Variants in CXCL12 observed in about 807,000 individuals in gnomAD.
CXCL12 encodes the protein C-X-C motif chemokine ligand 12.
CXCL12 carries 4 observed loss-of-function variants against 10.7 expected under a neutral mutation model. The ratio of observed to expected loss-of-function variants is 0.37; its 90% CI spans 0.18 to 0.86. CXCL12 has a LOEUF of 0.86. Among genes scored for constraint, CXCL12 ranks in the 40% least tolerant of loss-of-function variants. CXCL12 has a pLI of 0.43. For synonymous variants in CXCL12, 54 were observed against 45.4 expected, an observed-to-expected ratio of 1.19 and a Z score of -0.77; for missense variants, 122 against 110.4, an observed-to-expected ratio of 1.10 and a Z score of -0.47.
downstream of CXCL12, chr10:44,371,457 T>C: frequency 2.9e-6 from 1 of 345,866 alleles, no homozygotes. Flanking sequence ...AGAGGTTAAT[T>C]TCAAAAGGTT....
At chr10:44,375,814 T>C, downstream of CXCL12, 1 of 1,520,984 alleles carries the variant, frequency 6.6e-7, no homozygotes, top group South Asian at 1.3e-5. Context: ...AGCAAAGCAC[T>C]GCTCCCCCAC....
At position 44,377,742 on chromosome 10, in the gene CXCL12, G is replaced by T; in HGVS notation, c.*891C>A. The T allele has an allele frequency of 6.3e-7, 1 of 1,598,370 alleles. No individual in the cohort carries two copies. Among genetic ancestry groups the T allele is most frequent in the Admixed American group, 1.7e-5 (1 of 60,018 alleles). On this transcript the variant is annotated 3_prime_UTR_variant, in exon 3 of 3. Coordinates refer to ENST00000343575, the MANE Select transcript of CXCL12 (RefSeq NM_199168.4). ...GACTTGTCTTTTGCGGGTAAGCAGG[G>T]GGACCATTACACATCCCCAGGAGAG...
chr10:44,379,885 G>A (rs1485014445), intron 2 of CXCL12, among the ~76,000 whole-genome samples: 1 of 152,268 alleles, frequency 6.6e-6, no homozygotes, highest in East Asian at 1.9e-4. Context: ...CACATTCAAG[G>A]CAGTAAAGGG....
intron 1 of CXCL12, among the ~76,000 whole-genome samples, chr10:44,383,707 G>C (rs1339089075): frequency 6.8e-6 from 1 of 146,388 alleles, no homozygotes; most frequent in East Asian, 2.1e-4. Context: ...TTAACACTTA[G>C]GCAGTCCGCC....
At chr10:44,372,707 T>C, downstream of CXCL12, 5 of 1,426,548 alleles carry the variant, frequency 3.5e-6, no homozygotes, top group Middle Eastern at 2.6e-4. Context: ...ACGTGGAGGA[T>C]GTGGAGGTGC....
In CXCL12 at chr10:44,378,124, A is replaced by AC; in HGVS notation, c.*508_*509insG. ...GTGCCACAGAGGCCTTCCTCTTGGG[A>AC]GGGGCGCTGCTGCGGGAGCCTCAGT... On this transcript the variant is annotated 3_prime_UTR_variant, in exon 3 of 3. Coordinates refer to ENST00000343575, the MANE Select transcript of CXCL12 (RefSeq NM_199168.4). 2 of 1,441,962 alleles carry AC rather than the reference A, an allele frequency of 1.4e-6. 1 individual carries two copies. Among genetic ancestry groups the AC allele is most frequent in the African/African-American group, 2.9e-5 (2 of 69,932 alleles). 89.3% of individuals were successfully genotyped at this position (1,441,962 alleles called of 1,614,324 possible).
downstream of CXCL12, chr10:44,373,332 A>T (rs762470861): frequency 6.2e-7 from 1 of 1,608,236 alleles, no homozygotes; most frequent in Admixed American, 1.7e-5. Context: ...ACCCTCTCAC[A>T]TCTTGAACCT....
chr10:44,384,874 G>T (rs1278700620), intron 1 of CXCL12, 71 bp downstream of exon 1: 4 of 1,451,410 alleles, frequency 2.8e-6, no homozygotes, highest in Non-Finnish European at 2.8e-6. Context: ...AGGCAGAGGA[G>T]CCGCGGCTCT....
downstream of CXCL12, among the ~76,000 whole-genome samples, chr10:44,375,399 G>A (rs1053396158): frequency 6.6e-6 from 1 of 152,332 alleles, no homozygotes; most frequent in East Asian, 1.9e-4. Context: ...AAAAAGCCAG[G>A]GCCCATTCCT....
At position 44,378,419 on chromosome 10, in the gene CXCL12, A is replaced by C. The variant is rs1442764251; in HGVS notation, c.*214T>G. The C allele has an allele frequency of 6.4e-7, 1 of 1,553,094 alleles. No homozygotes were observed. The highest frequency in any genetic ancestry group is 8.7e-7 in the Non-Finnish European group (1 of 1,152,486). ...CGTGCACAGGTACAGGGCATGGATG[A>C]ATATAAGCTGCAATATCATACCGTA... On this transcript the variant is annotated 3_prime_UTR_variant, in exon 3 of 3. Transcript: ENST00000343575.
chr10:44,373,611 G>A (rs971780693), downstream of CXCL12, among the ~76,000 whole-genome samples: 1 of 152,240 alleles, frequency 6.6e-6, no homozygotes, highest in African/African-American at 2.4e-5. Flanking sequence ...GACGCACGAA[G>A]GCACAGAGAG....
chr10:44,383,260 G>T (rs1038095425), intron 1 of CXCL12, among the ~76,000 whole-genome samples: 4 of 152,234 alleles, frequency 2.6e-5, no homozygotes, highest in Non-Finnish European at 2.9e-5. Flanking sequence ...GGCGATGTGT[G>T]TAAGGAGCAG....
downstream of CXCL12, chr10:44,374,764 G>T: frequency 2.3e-6 from 1 of 437,104 alleles, no homozygotes; most frequent in East Asian, 7.1e-5. Context: ...TTCTCTTTCT[G>T]CATTTATTAA....
At chr10:44,376,032 C>G (rs763152307), downstream of CXCL12, 1 of 1,611,938 alleles carries the variant, frequency 6.2e-7, no homozygotes, top group South Asian at 1.1e-5. Flanking sequence ...CTCTGCGCCC[C>G]CTTAGATAAA....
At chr10:44,381,095 C>A (rs1163435943) in intron 1 of CXCL12, among the ~76,000 whole-genome samples, 1 of 152,166 alleles carries the variant, frequency 6.6e-6, no homozygotes, top group African/African-American at 2.4e-5. Context: ...GGGCAAGGAG[C>A]CCAACAGGCC....
In CXCL12 at chr10:44,385,041, G is replaced by T; in HGVS notation, c.-36C>A. 7.0e-7 allele frequency: 1 copy of T among 1,425,018 alleles called. No homozygotes were observed. Among genetic ancestry groups the T allele is most frequent in the Non-Finnish European group, 9.3e-7 (1 of 1,074,932 alleles). 88.3% of individuals were successfully genotyped at this position (1,425,018 alleles called of 1,614,324 possible). A position where few individuals can be genotyped will look rare whatever the true frequency, so the allele number is the denominator to read the frequency against. On this transcript the variant is annotated 5_prime_UTR_variant, in exon 1 of 3. Transcript: ENST00000343575. ...GGCGGGCGGGCGGGCGGACGAGCGC[G>T]GGTCGGGGGCCGGACGCCGAGCGGG...
intron 1 of CXCL12, among the ~76,000 whole-genome samples, chr10:44,384,553 C>CA (rs1380727019): frequency 6.6e-6 from 1 of 152,230 alleles, no homozygotes; most frequent in Non-Finnish European, 1.5e-5. Flanking sequence ...CCTCGGAGCC[C>CA]ATTCGCCTGT....
Position 44,380,771 on chromosome 10 carries a change from A to G in CXCL12, c.171T>C (p.Leu57=), listed in dbSNP as rs773824837. 1 of 1,612,948 alleles carries G rather than the reference A, an allele frequency of 6.2e-7. No homozygotes were observed. The highest frequency in any genetic ancestry group is 1.1e-5 in the South Asian group (1 of 91,062). The change falls in exon 2 of 3, where the codon CTT becomes CTC. Residue 57 remains leucine, a synonymous_variant. Transcript: ENST00000343575. ...TCAATTTCAAGACTTACACAATCTG[A>G]AGGGCACAGTTTGGAGTGTTGAGAA... ...LKILNTPNCA[L]QIVARLKNNN... is the part of the protein sequence containing the mutation.
downstream of CXCL12, chr10:44,371,052 G>A (rs1267827079): frequency 5.7e-5 from 12 of 209,240 alleles, no homozygotes; most frequent in Non-Finnish European, 3.9e-5. Flanking sequence ...ACAGCTCGTG[G>A]ACGCACTTGA....
Sources: gnomAD v4.1 joint callset for allele counts (sites outside exome capture counted in the v4.1 genomes callset) on GRCh38, gnomAD v4.1.1 for gene constraint, MANE v1.5 for transcripts, NCBI Gene and HGNC (gene_info 2026-07-23, HGNC 2026-07-21) for gene names.